HEATR6: variants seen among roughly 807,000 people sequenced by gnomAD.
HEATR6 encodes HEAT repeat-containing protein 6.
HEATR6 carries 106 observed loss-of-function variants against 132.8 expected under a neutral mutation model. The observed-to-expected ratio is 0.80, with a 90% confidence interval of 0.68 to 0.94. The LOEUF (loss-of-function observed/expected upper bound fraction) is 0.94, where lower values mean the gene tolerates loss of function less well. HEATR6 is among the 40% of genes least tolerant of loss of function. The pLI, the probability that HEATR6 is intolerant of heterozygous loss-of-function variation, is 0.00. For missense variants in HEATR6, 1,339 were observed against 1,425.1 expected (o/e 0.94, Z 0.97); for synonymous variants, 529 against 537.8 (o/e 0.98, Z 0.23).
chr17:60,059,631 G>GC (rs374689984), intron 10 of HEATR6, 110 bp from the exon 11 acceptor site: 12 of 728,526 alleles, frequency 1.6e-5, no homozygotes, highest in African/African-American at 1.1e-4. Flanking sequence ...CTAAAAATTA[G>GC]CCCCCCTTTT....
At position 60,067,445 on chromosome 17, in the gene HEATR6, C is replaced by T. The variant is rs566945520; in HGVS notation, c.1227G>A (p.Gln409=). ...CAAAATACTACTACCTCATTTTACT[C>T]TGCATGCCTCCTTCAGCATCAGAAA... ...SDFSDAEGGM[Q]SKMRSYQAKV... Residue 409 remains glutamine (Q), a synonymous_variant, in exon 8 of 20, where the codon CAG becomes CAA. Transcript: ENST00000184956. 6.5e-7 allele frequency: 1 copy of T among 1,546,914 alleles called. No homozygotes were observed. Among genetic ancestry groups the T allele is most frequent in the South Asian group, 1.3e-5 (1 of 79,010 alleles).
intron 16 of HEATR6, among the ~76,000 whole-genome samples, 183 bp from the exon 17 acceptor site, chr17:60,048,571 C>T (rs1383047024): frequency 2.0e-5 from 3 of 152,088 alleles, no homozygotes; most frequent in African/African-American, 7.2e-5. Context: ...AAAAAAATCC[C>T]AGGGGAAGCT....
At position 60,043,988 on chromosome 17, in the gene HEATR6, G is replaced by C. The variant is rs1295461005; in HGVS notation, c.3121C>G (p.Arg1041Gly). 1 of 1,614,018 alleles carries C rather than the reference G, an allele frequency of 6.2e-7. No homozygotes were observed. The highest frequency in any genetic ancestry group is 8.5e-7 in the Non-Finnish European group (1 of 1,180,020). The change falls in exon 20 of 20, where the codon CGG becomes GGG. Residue 1041 changes from arginine to glycine, a missense_variant. Coordinates refer to ENST00000184956, the MANE Select transcript of HEATR6 (RefSeq NM_022070.5). Reference protein sequence around the residue: ...EQYGSVDQYARIWNALVTALQ... With the variant: ...EQYGSVDQYAGIWNALVTALQ... ...GCGGTGACCAATGCATTCCAGATCC[G>C]AGCATACTGGTCAACAGACCCGTAC...
In HEATR6 at chr17:60,072,347, A is replaced by G. The variant is rs528259619; in HGVS notation, c.585-18T>C. The G allele has an allele frequency of 2.2e-6, 3 of 1,349,734 alleles. No individual in the cohort carries two copies. The highest frequency in any genetic ancestry group is 3.1e-6 in the Non-Finnish European group (3 of 954,408). The allele number at this position is 1,349,734 out of a possible 1,614,324, so 83.6% of individuals were successfully genotyped here. ...CTGGCACACTAAACGCATACAGAGAAAACAACTCAAACTCAGTCTCCTTTA... is the reference window on the plus strand; with the variant it reads ...CTGGCACACTAAACGCATACAGAGAGAACAACTCAAACTCAGTCTCCTTTA... On this transcript the variant is annotated intron_variant, in intron 4 of 19. Coordinates refer to ENST00000184956, the MANE Select transcript of HEATR6 (RefSeq NM_022070.5).
At chr17:60,062,691 C>T (rs995387516) in intron 9 of HEATR6, among the ~76,000 whole-genome samples, 6 of 152,136 alleles carry the variant, frequency 3.9e-5, no homozygotes, top group Admixed American at 2.0e-4. Flanking sequence ...TACGTAACAG[C>T]ATTTCAACAT....
Position 60,060,105 on chromosome 17 carries a change from T to G in HEATR6, c.1417-9A>C. On this transcript the variant is annotated splice_polypyrimidine_tract_variant and intron_variant, in intron 9 of 19. Coordinates refer to ENST00000184956, the MANE Select transcript of HEATR6 (RefSeq NM_022070.5). Reference sequence around the variant, plus strand: ...AGAGCACAGGCACGTGTCTGAAATTTCGGGATGATTCACATTGATTAGTTG... The same window carrying G: ...AGAGCACAGGCACGTGTCTGAAATTGCGGGATGATTCACATTGATTAGTTG... The G allele has an allele frequency of 3.7e-6, 6 of 1,606,284 alleles. No individual in the cohort carries two copies. Among genetic ancestry groups the G allele is most frequent in the Non-Finnish European group, 5.1e-6 (6 of 1,173,212 alleles).
At chr17:60,055,679 T>C (rs1454384130) in intron 13 of HEATR6, 78 bp from the exon 14 acceptor site, 7 of 948,016 alleles carry the variant, frequency 7.4e-6, no homozygotes, top group Non-Finnish European at 1.2e-5. Flanking sequence ...TTCACTCTAG[T>C]AACACCTTCA....
chr17:60,078,795 C>T lies in HEATR6; in HGVS notation c.120G>A (p.Leu40=). 1 of 1,594,988 alleles carries T rather than the reference C, an allele frequency of 6.3e-7. No individual in the cohort carries two copies. Among genetic ancestry groups the T allele is most frequent in the Non-Finnish European group, 8.5e-7 (1 of 1,171,636 alleles). Residue 40 remains leucine, a synonymous_variant, in exon 1 of 20, where the codon CTG becomes CTA. Coordinates refer to ENST00000184956, the MANE Select transcript of HEATR6 (RefSeq NM_022070.5). ...GGGCGGAGCTGCTGTCATCCGGGCGCAGGGCGCAGAGCCTGGCAGACAAGA... is the reference window on the plus strand; with the variant it reads ...GGGCGGAGCTGCTGTCATCCGGGCGTAGGGCGCAGAGCCTGGCAGACAAGA... The part of the protein sequence containing the change: ...FRLLSARLCA[L]RPDDSSSART...
chr17:60,069,322 T>C (rs2083257945), intron 7 of HEATR6, among the ~76,000 whole-genome samples: 1 of 152,242 alleles, frequency 6.6e-6, no homozygotes. Context: ...TTCATTTACA[T>C]AGTGTCTATG....
Position 60,070,788 on chromosome 17 carries a change from T to G in HEATR6, c.719A>C (p.Lys240Thr). The G allele has an allele frequency of 6.3e-7, 1 of 1,596,496 alleles. No individual in the cohort carries two copies. The highest frequency in any genetic ancestry group is 8.6e-7 in the Non-Finnish European group (1 of 1,164,186). The part of the protein sequence containing the change: ...TFCMLLQNAL[K>T]GIQSLLNGGR... ...ACCATTTAGAAGTGACTGTATACCT[T>G]TTAATGCATTTTGCAATAACTAGGG... The change falls in exon 6 of 20, where the codon AAA (lysine) becomes ACA (threonine). Residue 240 changes from lysine (K) to threonine (T), a missense_variant. Physicochemically the swap from Lys to Thr is moderately conservative, Grantham distance 78. Coordinates refer to ENST00000184956, the MANE Select transcript of HEATR6 (RefSeq NM_022070.5).
At chr17:60,050,749 T>C in intron 15 of HEATR6, 94 bp downstream of exon 15, 1 of 1,456,016 alleles carries the variant, frequency 6.9e-7, no homozygotes, top group South Asian at 1.3e-5. Flanking sequence ...TCATCAGAGA[T>C]GATGCTGAAT....
At chr17:60,053,768 TGAAAG>T (rs1042297379) in intron 14 of HEATR6, among the ~76,000 whole-genome samples, 7 of 152,200 alleles carry the variant, frequency 4.6e-5, no homozygotes, top group African/African-American at 1.7e-4. Context: ...GGGTATCTGG[TGAAAG>T]AAATTCTAAG....
intron 8 of HEATR6, among the ~76,000 whole-genome samples, chr17:60,067,066 C>G (rs999832346): frequency 6.6e-6 from 1 of 151,766 alleles, no homozygotes; most frequent in Admixed American, 6.6e-5. Context: ...GTCAGGAGAT[C>G]GAGACCATCC....
At chr17:60,047,879 A>G (rs1906425745) in intron 17 of HEATR6, among the ~76,000 whole-genome samples, 1 of 152,208 alleles carries the variant, frequency 6.6e-6, no homozygotes, top group Non-Finnish European at 1.5e-5. Flanking sequence ...GGGTAGAAGA[A>G]AGGCTTCACA....
In HEATR6 at chr17:60,057,219, CAG is replaced by C. The variant is rs1313616296; in HGVS notation, c.1906_1907del (p.Leu636GlyfsTer6). The C allele has an allele frequency of 6.2e-7, 1 of 1,614,032 alleles. No homozygotes were observed. The highest frequency in any genetic ancestry group is 8.5e-7 in the Non-Finnish European group (1 of 1,180,028). ...WWKKAPAGPS[L>X]EETSVSSPKG... The stretch of plus-strand genomic sequence containing the variant: ...TAGGTGAGCTAACTGACGTTTCTTC[CAG>C]AGAGGGTCCTGCAGGGGCTTTCTTC... On this transcript the variant is annotated frameshift_variant, in exon 12 of 20. Transcript: ENST00000184956. LOFTEE classifies it high-confidence loss of function.
rs772872593 is a variant in HEATR6, at chr17:60,048,287, C to G, written c.2649G>C (p.Leu883=). 7 of 1,613,646 alleles carry G rather than the reference C, an allele frequency of 4.3e-6. No individual in the cohort carries two copies. The Admixed American group carries it at 1.2e-4, about 27-fold the overall frequency. The change falls in exon 17 of 20, where the codon CTG becomes CTC. Residue 883 remains leucine, a synonymous_variant. Coordinates refer to ENST00000184956, the MANE Select transcript of HEATR6 (RefSeq NM_022070.5). ...ACATGTTGACAATCAGAGTGTCTGT[C>G]AGGTTGCCCAGGGACCAGGCTGCTT... The part of the protein sequence containing the change: ...RAKAAWSLGN[L]TDTLIVNMET...
chr17:60,046,574 C>G (rs1000939897), intron 18 of HEATR6, among the ~76,000 whole-genome samples: 1 of 152,138 alleles, frequency 6.6e-6, no homozygotes, highest in Non-Finnish European at 1.5e-5. Flanking sequence ...TAATTCCAGT[C>G]CAATACTTTT....
chr17:60,054,119 C>G (rs769114735), intron 14 of HEATR6, among the ~76,000 whole-genome samples: 16 of 152,224 alleles, frequency 1.1e-4, no homozygotes, highest in Non-Finnish European at 2.4e-4. Flanking sequence ...CAGGGCCCCA[C>G]TTCCCTGCAC....
intron 3 of HEATR6, 60 bp downstream of exon 3, chr17:60,073,686 G>A: frequency 1.3e-6 from 2 of 1,524,050 alleles, no homozygotes; most frequent in South Asian, 1.2e-5. Context: ...TGAACACAGT[G>A]TTGGCACCAG....
Sources: gnomAD v4.1 joint callset for allele counts (sites outside exome capture counted in the v4.1 genomes callset) on GRCh38, gnomAD v4.1.1 for gene constraint, MANE v1.5 for transcripts, NCBI Gene and HGNC (gene_info 2026-07-23, HGNC 2026-07-21) for gene names.